The following TYR variants were observed in gnomAD, a reference collection of about 807,000 sequenced individuals.
TYR encodes the protein LB24-AB.
In TYR, 58 loss-of-function variants were observed where a neutral mutation model predicts 51.5. That is an observed-to-expected ratio of 1.13 (90% CI 0.91 to 1.40). The LOEUF (loss-of-function observed/expected upper bound fraction) is 1.40. Among genes scored for constraint, TYR ranks in the 40% most tolerant of loss-of-function variants. The pLI, the probability that TYR is intolerant of heterozygous loss-of-function variation, is 0.00. For missense variants in TYR, 732 were observed against 647.4 expected (o/e 1.13, Z -1.42); for synonymous variants, 263 against 235.2 (o/e 1.12, Z -1.08).
intron 3 of TYR, among the ~76,000 whole-genome samples, chr11:89,232,458 G>T (rs1944063022): frequency 7.0e-6 from 1 of 143,170 alleles, no homozygotes. Context: ...AGAAAACCAA[G>T]CACTGCATGT....
chr11:89,222,749 A>AT (rs1205442920), intron 2 of TYR, among the ~76,000 whole-genome samples: 1 of 152,116 alleles, frequency 6.6e-6, no homozygotes, highest in African/African-American at 2.4e-5. Flanking sequence ...AAAAAAAAAA[A>AT]ATTCTATTGT....
chr11:89,277,360 C>T (rs1346685014), intron 3 of TYR, among the ~76,000 whole-genome samples: 2 of 151,726 alleles, frequency 1.3e-5, no homozygotes, highest in Admixed American at 6.6e-5. Flanking sequence ...AGCTGCAGTT[C>T]TCAAAGAGAG....
intron 3 of TYR, among the ~76,000 whole-genome samples, chr11:89,256,738 G>A (rs933379154): frequency 6.6e-6 from 1 of 151,818 alleles, no homozygotes; most frequent in South Asian, 2.1e-4. Context: ...TTTTGGGAAG[G>A]GCTTCAAAAA....
intron 3 of TYR, among the ~76,000 whole-genome samples, chr11:89,258,882 T>A (rs1272433019): frequency 6.6e-6 from 1 of 152,024 alleles, no homozygotes; most frequent in Non-Finnish European, 1.5e-5. Context: ...GAGCAGCCAG[T>A]GCCTTTGCCA....
chr11:89,190,176 T>C (rs1001950438), intron 1 of TYR, among the ~76,000 whole-genome samples: 4 of 152,186 alleles, frequency 2.6e-5, no homozygotes, highest in Non-Finnish European at 4.4e-5. Context: ...AATGTACTTC[T>C]TCCACTTATA....
rs11411684 is a variant in TYR, at chr11:89,216,647, C to CAAAAAAAAAAAAAAA, written c.1037-11168_1037-11154dup. Among the ~76,000 whole-genome samples the CAAAAAAAAAAAAAAA allele has an allele frequency of 6.3e-3, 510 of 80,734 alleles. 4 individuals carry two copies. Among genetic ancestry groups the CAAAAAAAAAAAAAAA allele is most frequent in the Non-Finnish European group, 9.0e-3 (378 of 42,076 alleles). The allele number at this position is 80,734 out of a possible 152,430, so 53.0% of individuals were successfully genotyped here. ...CAGCCTGGATGGAGTTTTTCCATCT[C>CAAAAAAAAAAAAAAA]AAAAAAAAAAAAAAAAAAAAAATAG... On this transcript the variant is annotated intron_variant, in intron 2 of 4. Coordinates refer to ENST00000263321, the MANE Select transcript of TYR (RefSeq NM_000372.5).
At chr11:89,191,112 C>A (rs1943437252) in intron 1 of TYR, 90 bp from the exon 2 acceptor site, 3 of 1,172,432 alleles carry the variant, frequency 2.6e-6, no homozygotes, top group African/African-American at 3.0e-5. Context: ...AGAAGTCTAA[C>A]AACGATAATT....
intron 2 of TYR, among the ~76,000 whole-genome samples, chr11:89,225,370 G>T (rs1943963825): frequency 6.6e-6 from 1 of 151,684 alleles, no homozygotes; most frequent in Non-Finnish European, 1.5e-5. Flanking sequence ...TAGATCTCCT[G>T]AACTTATTCC....
intron 3 of TYR, among the ~76,000 whole-genome samples, chr11:89,241,389 A>C (rs1944191759): frequency 6.6e-6 from 1 of 152,110 alleles, no homozygotes; most frequent in Admixed American, 6.6e-5. Flanking sequence ...GTTCACCATT[A>C]GTTCTGCATT....
At chr11:89,244,445 C>T (rs1369292308) in intron 3 of TYR, among the ~76,000 whole-genome samples, 1 of 152,196 alleles carries the variant, frequency 6.6e-6, no homozygotes, top group African/African-American at 2.4e-5. Context: ...ATGGCTCCTC[C>T]TTATTTCTGC....
chr11:89,189,409 T>C (rs977542649), intron 1 of TYR, among the ~76,000 whole-genome samples: 1 of 151,836 alleles, frequency 6.6e-6, no homozygotes, highest in Non-Finnish European at 1.5e-5. Flanking sequence ...AAATTTCTTT[T>C]CTTAAAAAAC....
chr11:89,236,821 A>G (rs750946662), intron 3 of TYR, among the ~76,000 whole-genome samples: 1 of 152,106 alleles, frequency 6.6e-6, no homozygotes, highest in Admixed American at 6.6e-5. Context: ...TTCTTGACCT[A>G]TCTAGTTTGT....
At chr11:89,248,282 G>T (rs1340852255) in intron 3 of TYR, among the ~76,000 whole-genome samples, 1 of 151,986 alleles carries the variant, frequency 6.6e-6, no homozygotes, top group Non-Finnish European at 1.5e-5. Flanking sequence ...AACCAGAAAA[G>T]AAATAAATAA....
At chr11:89,245,204 T>C (rs1261831907) in intron 3 of TYR, among the ~76,000 whole-genome samples, 1 of 152,192 alleles carries the variant, frequency 6.6e-6, no homozygotes, top group Non-Finnish European at 1.5e-5. Flanking sequence ...AAATATGTGG[T>C]TGAAAGAAAC....
At chr11:89,201,497 A>C (rs958997829) in intron 2 of TYR, among the ~76,000 whole-genome samples, 2 of 152,384 alleles carry the variant, frequency 1.3e-5, no homozygotes, top group African/African-American at 4.8e-5. Flanking sequence ...TTAAAAAGGC[A>C]TGTAAAAAAA....
At chr11:89,215,876 A>C (rs185376886) in intron 2 of TYR, among the ~76,000 whole-genome samples, 97 of 152,262 alleles carry the variant, frequency 6.4e-4, no homozygotes, top group Non-Finnish European at 1.2e-3. Flanking sequence ...TTATAAGGTG[A>C]AGATAATATT....
chr11:89,267,084 C>T (rs781594585), intron 3 of TYR, among the ~76,000 whole-genome samples: 6 of 151,896 alleles, frequency 4.0e-5, no homozygotes, highest in Non-Finnish European at 8.8e-5. Flanking sequence ...AAATCTACCA[C>T]AGTTGGGGAG....
chr11:89,271,408 G>A (rs546446097), intron 3 of TYR, among the ~76,000 whole-genome samples: 4 of 151,994 alleles, frequency 2.6e-5, no homozygotes, highest in Non-Finnish European at 4.4e-5. Flanking sequence ...ACACTATATT[G>A]TAGTATATTT....
intron 2 of TYR, chr11:89,192,118 C>G (rs1448131900): frequency 2.9e-6 from 1 of 342,102 alleles, no homozygotes; most frequent in Admixed American, 4.2e-5. Context: ...TGTTCTTCAT[C>G]AGAGATTACA....
Sources: allele counts gnomAD v4.1 joint callset (sites outside exome capture counted in the v4.1 genomes callset), GRCh38; gene constraint gnomAD v4.1.1; transcripts MANE v1.5; gene names NCBI Gene and HGNC (gene_info 2026-07-23, HGNC 2026-07-21).